Variants in AP3B2 observed in about 807,000 individuals in gnomAD.
AP3B2 encodes the protein AP-3 complex subunit beta-2.
A neutral mutation model predicts 126.9 loss-of-function variants in AP3B2; 50 were observed. The observed-to-expected ratio is 0.39, with a 90% CI of 0.31 to 0.50. The LOEUF is 0.50. Among genes scored for constraint, AP3B2 ranks in the 20% least tolerant of loss-of-function variants. The pLI is 0.79. For missense variants in AP3B2, 1,177 were observed against 1,426.4 expected (o/e 0.83, Z 2.82); for synonymous variants, 541 against 565.0 (o/e 0.96, Z 0.60).
intron 1 of AP3B2, chr15:82,699,838 C>G (rs1453902955): frequency 2.5e-6 from 1 of 399,826 alleles, no homozygotes; most frequent in African/African-American, 2.1e-5. Flanking sequence ...GACCCCAGGC[C>G]TCACCACGGC....
intron 3 of AP3B2, 101 bp downstream of exon 3, chr15:82,689,057 G>A (rs939979936): frequency 5.9e-6 from 8 of 1,346,850 alleles, no homozygotes; most frequent in African/African-American, 2.9e-5. Context: ...TTCTCAGCAG[G>A]TCGGGCCCCC....
At position 82,677,708 on chromosome 15, in the gene AP3B2, G is replaced by A. The variant is rs746659641; in HGVS notation, c.1341C>T (p.Cys447=). ...ATNIGRVRDT[C]LNGLVQLLSN... ...ACAGCAGCTGCACCAGGCCATTGAG[G>A]CAGGTGTCACGGACTCGGCCGATGT... Residue 447 remains cysteine, a synonymous_variant, in exon 12 of 27, where the codon TGC becomes TGT. Coordinates refer to ENST00000535359, the MANE Select transcript of AP3B2 (RefSeq NM_001278512.2). 10 of 1,594,266 alleles carry A rather than the reference G, an allele frequency of 6.3e-6. No individual in the cohort carries two copies. In the South Asian group the frequency reaches 1.0e-4, roughly 16 times the overall value.
chr15:82,663,578 G>A lies in AP3B2; in HGVS notation c.2479C>T (p.Leu827=). ...KSAPATKEIS[L]LDLEDFTPPS... ...AACTCACAATCCTCTAGATCAAGCA[G>A]GGAGATCTCCTTGGTTGCAGGAGCA... Residue 827 remains leucine (L), a synonymous_variant, in exon 21 of 27, where the codon CTG becomes TTG. Coordinates refer to ENST00000535359, the MANE Select transcript of AP3B2 (RefSeq NM_001278512.2). 6.2e-7 allele frequency: 1 copy of A among 1,613,848 alleles called. No homozygotes were observed.
At position 82,665,416 on chromosome 15, in the gene AP3B2, C is replaced by T; in HGVS notation, c.1971+41G>A. The T allele has an allele frequency of 1.7e-6, 2 of 1,151,364 alleles. No homozygotes were observed. The highest frequency in any genetic ancestry group is 1.3e-5 in the South Asian group (1 of 75,814). 71.3% of individuals were successfully genotyped at this position (1,151,364 alleles called of 1,614,324 possible). On this transcript the variant is annotated intron_variant, in intron 16 of 26. Transcript: ENST00000535359. The surrounding 1 kb of genome is among the most constrained non-coding windows in gnomAD (Gnocchi z 4.4). ...ACACACACACACACACACACACACA[C>T]ACACACACACACACACACTTCAACC... is the stretch of plus-strand genomic sequence containing the variant.
chr15:82,681,588 C>G lies in AP3B2; in HGVS notation c.361-8G>C, dbSNP rs201123361. On this transcript the variant is annotated splice_region_variant and splice_polypyrimidine_tract_variant and intron_variant, in intron 4 of 26. Coordinates refer to ENST00000535359, the MANE Select transcript of AP3B2 (RefSeq NM_001278512.2). The surrounding 1 kb of genome is among the most constrained non-coding windows in gnomAD (Gnocchi z 4.0). The stretch of plus-strand genomic sequence containing the variant: ...AATCAGCTGGTTGGGATCCTAAAGG[C>G]AGAGGTGGAGGCAGAGCTATGAAAG... 5.2e-5 allele frequency: 84 copies of G among 1,612,004 alleles called. No individual in the cohort carries two copies. In the Admixed American group the frequency reaches 1.0e-3, roughly 20 times the overall value.
intron 4 of AP3B2, chr15:82,686,870 C>T (rs1187064061): frequency 1.3e-5 from 2 of 152,148 alleles, no homozygotes; most frequent in South Asian, 2.1e-4. Context: ...TATGGGCACC[C>T]GCCACCATGC....
chr15:82,708,296 C>T (rs1376196794), intron 1 of AP3B2, among the ~76,000 whole-genome samples: 1 of 151,958 alleles, frequency 6.6e-6, no homozygotes, highest in Non-Finnish European at 1.5e-5. Flanking sequence ...ACCCCATTTC[C>T]CTTCGCTGAC....
At chr15:82,672,172 C>G (rs2048170120) in intron 14 of AP3B2, among the ~76,000 whole-genome samples, 2 of 152,204 alleles carry the variant, frequency 1.3e-5, no homozygotes. Flanking sequence ...TATTGCAGCA[C>G]TGTTCACCAT....
chr15:82,709,227 C>T (rs1189383647), intron 1 of AP3B2, among the ~76,000 whole-genome samples: 1 of 152,112 alleles, frequency 6.6e-6, no homozygotes, highest in East Asian at 1.9e-4. Context: ...TGACTCAGAC[C>T]CCTCCCCCAC....
At chr15:82,661,532 T>G (rs1393536459) in intron 25 of AP3B2, among the ~76,000 whole-genome samples, 2 of 152,234 alleles carry the variant, frequency 1.3e-5, no homozygotes, top group Non-Finnish European at 2.9e-5. Context: ...ACATGAAATT[T>G]AAACTTCAGT....
At chr15:82,675,743 G>A (rs567434060) in intron 14 of AP3B2, among the ~76,000 whole-genome samples, 2 of 152,308 alleles carry the variant, frequency 1.3e-5, no homozygotes, top group South Asian at 4.1e-4. Flanking sequence ...ACAGGAATAG[G>A]CCAAATTCAG....
rs73443021 is a variant in AP3B2, at chr15:82,664,331, G to A, written c.2261+36C>T. The A allele has an allele frequency of 2.5e-3, 4,070 of 1,612,948 alleles. 104 individuals are homozygous for A. In the African/African-American group the frequency reaches 0.049, roughly 19 times the overall value. ...AGCCCTCTTTCCAGGAAAGCCCCCTGAACCCCACCAGCCATCTGGCTAGCT... is the reference window on the plus strand; with the variant it reads ...AGCCCTCTTTCCAGGAAAGCCCCCTAAACCCCACCAGCCATCTGGCTAGCT... On this transcript the variant is annotated intron_variant, in intron 19 of 26. Transcript: ENST00000535359. The surrounding 1 kb of genome is among the most constrained non-coding windows in gnomAD (Gnocchi z 4.5).
intron 12 of AP3B2, 65 bp downstream of exon 12, chr15:82,677,606 C>G (rs556716161): frequency 3.0e-4 from 448 of 1,481,404 alleles, no homozygotes; most frequent in Non-Finnish European, 4.0e-4. Context: ...CAGTGGCCAG[C>G]AGAGTCAGAC....
In AP3B2 at chr15:82,665,462, C is replaced by T. The variant is rs1175600444; in HGVS notation, c.1966G>A (p.Val656Met). 4 of 1,612,428 alleles carry T rather than the reference C, an allele frequency of 2.5e-6. No homozygotes were observed. Among genetic ancestry groups the T allele is most frequent in the East Asian group, 2.2e-5 (1 of 44,866 alleles). The stretch of plus-strand genomic sequence containing the variant: ...CAACCCTCCACCCCGCTGACCTCCA[C>T]GTTGCGCACAGATGGGTCTGGGGCT... ...EEAPDPSVRNVEEEDLSLIET... is the reference protein window; with the variant it reads ...EEAPDPSVRNMEEEDLSLIET... The change falls in exon 16 of 27, where the codon GTG becomes ATG. Residue 656 changes from valine (V) to methionine (M), a missense_variant. Physicochemically the swap from Val to Met is conservative, Grantham distance 21. Transcript: ENST00000535359. The surrounding 1 kb of genome is among the most constrained non-coding windows in gnomAD (Gnocchi z 4.4).
At chr15:82,666,693 T>C in intron 15 of AP3B2, 54 bp downstream of exon 15, 1 of 1,571,670 alleles carries the variant, frequency 6.4e-7, no homozygotes, top group South Asian at 1.2e-5. Context: ...GCAGAGACTC[T>C]GGCCAGTTCC....
intron 14 of AP3B2, among the ~76,000 whole-genome samples, chr15:82,667,699 A>G (rs1216428483): frequency 6.6e-6 from 1 of 152,208 alleles, no homozygotes; most frequent in Non-Finnish European, 1.5e-5. Context: ...GGTGCTCCAC[A>G]CTAGCTCATC....
chr15:82,663,190 C>G lies in AP3B2; in HGVS notation c.2541G>C (p.Val847=). Reference sequence around the variant, plus strand: ...CCAGGTCAGCAGCCAGACTGGTAGACACAATTGCTGGGGGAGACACAGGCT... The same window carrying G: ...CCAGGTCAGCAGCCAGACTGGTAGAGACAATTGCTGGGGGAGACACAGGCT... ...SVQPVSPPAI[V]STSLAADLEG... The change falls in exon 22 of 27, where the codon GTG becomes GTC. Residue 847 remains valine (V), a synonymous_variant. Transcript: ENST00000535359. The G allele has an allele frequency of 6.2e-7, 1 of 1,613,116 alleles. No homozygotes were observed.
At position 82,680,636 on chromosome 15, in the gene AP3B2, G is replaced by A; in HGVS notation, c.891C>T (p.Val297=). Residue 297 remains valine, a synonymous_variant, in exon 8 of 27, where the codon GTC becomes GTT. Coordinates refer to ENST00000535359, the MANE Select transcript of AP3B2 (RefSeq NM_001278512.2). This position sits in a 1 kb window ranked among gnomAD's most constrained non-coding sequence, Gnocchi z 6.1. ...AAAAPSRKPY[V]MDPDHRLLLR... ...GCAGCAGCCGGTGGTCGGGGTCCAT[G>A]ACATAGGGCTTTCGGGAGGGGGCGG... The A allele has an allele frequency of 6.3e-7, 1 of 1,590,700 alleles. No homozygotes were observed. The highest frequency in any genetic ancestry group is 8.5e-7 in the Non-Finnish European group (1 of 1,173,268).
chr15:82,683,046 A>ATTTTT (rs1567267339), intron 4 of AP3B2, among the ~76,000 whole-genome samples: 1 of 71,932 alleles, frequency 1.4e-5, no homozygotes, highest in Non-Finnish European at 3.1e-5. Context: ...CTGCACCAGG[A>ATTTTT]GTTTTTTTTT....
Sources: allele counts gnomAD v4.1 joint callset (sites outside exome capture counted in the v4.1 genomes callset), GRCh38; gene constraint gnomAD v4.1.1; non-coding constraint Gnocchi (gnomAD v3.1); transcripts MANE v1.5; gene names NCBI Gene and HGNC (gene_info 2026-07-23, HGNC 2026-07-21).